Variants in COL5A2 observed in about 807,000 individuals in gnomAD.
The protein encoded by COL5A2 is collagen alpha-2(V) chain.
Under a neutral mutation model 208.2 loss-of-function variants are expected in COL5A2, and 23 were observed. That is an observed-to-expected ratio of 0.11 (90% CI 0.08 to 0.16). The LOEUF (loss-of-function observed/expected upper bound fraction) is 0.16. Ranked by LOEUF, COL5A2 falls within the 10% of genes least tolerant of loss-of-function variation. The pLI, the probability that COL5A2 is intolerant of heterozygous loss-of-function variation, is 1.00. For synonymous variants in COL5A2, 625 were observed against 628.5 expected (o/e 0.99, Z 0.08); for missense variants, 1,590 against 1,956.4 (o/e 0.81, Z 3.53).
At chr2:189,214,928 A>G (rs1689259870) in intron 1 of COL5A2, among the ~76,000 whole-genome samples, 1 of 152,144 alleles carries the variant, frequency 6.6e-6, no homozygotes. Context: ...TGATCTAGAT[A>G]TATTTTCCTA....
Position 189,062,935 on chromosome 2 carries a change from A to G in COL5A2, c.1924-17T>C. The G allele has an allele frequency of 3.7e-6, 6 of 1,614,056 alleles. No individual in the cohort carries two copies. On this transcript the variant is annotated splice_polypyrimidine_tract_variant and intron_variant, in intron 28 of 53. Transcript: ENST00000374866. ...AGGAGCTCCCTAGTATCACACACAG[A>G]TATTTGTGAGGTGAGTCTATGATAA...
chr2:189,220,650 T>A (rs1689337501), intron 1 of COL5A2, among the ~76,000 whole-genome samples: 2 of 152,204 alleles, frequency 1.3e-5, no homozygotes, highest in African/African-American at 2.4e-5. Context: ...AGATCTTGAA[T>A]TTAGAGGAAT....
intron 1 of COL5A2, among the ~76,000 whole-genome samples, chr2:189,213,055 AT>A (rs1457599896): frequency 6.6e-6 from 1 of 151,756 alleles, no homozygotes; most frequent in East Asian, 1.9e-4. Context: ...TGACTAGCTA[AT>A]TTTTTAGATT....
At position 189,085,264 on chromosome 2, in the gene COL5A2, C is replaced by T. The variant is rs138323249; in HGVS notation, c.745-51G>A. ...AAAAAAGAATATTTACCTTTACTTG[C>T]CAGTAATACAATTCAAAACATTATT... On this transcript the variant is annotated intron_variant, in intron 10 of 53. Coordinates refer to ENST00000374866, the MANE Select transcript of COL5A2 (RefSeq NM_000393.5). 109 of 1,399,542 alleles carry T rather than the reference C, an allele frequency of 7.8e-5. 1 individual carries two copies. In the East Asian group the frequency reaches 2.5e-3, roughly 33 times the overall value. The allele number at this position is 1,399,542 out of a possible 1,614,324, so 86.7% of individuals were successfully genotyped here. A position where few individuals can be genotyped will look rare whatever the true frequency, so the allele number is the denominator to read the frequency against.
At chr2:189,122,923 G>A (rs1446595804) in intron 1 of COL5A2, among the ~76,000 whole-genome samples, 1 of 152,010 alleles carries the variant, frequency 6.6e-6, no homozygotes, top group Admixed American at 6.6e-5. Context: ...ACACTAGGTA[G>A]AAAATACGAA....
rs1475438752 is a variant in COL5A2, at chr2:189,048,219, A to G, written c.3191T>C (p.Val1064Ala). Residue 1064 changes from valine to alanine, a missense_variant, in exon 45 of 54, where the codon GTT becomes GCT. By Grantham distance (64) the Val-to-Ala change is moderately conservative (BLOSUM62 0). Coordinates refer to ENST00000374866, the MANE Select transcript of COL5A2 (RefSeq NM_000393.5). ...NDGTPGRDGA[V>A]GERGDRGDPG... ...TGAAATGGCTCTTACACGTTCTCCA[A>G]CAGCACCATCCCGTCCTGGGGTACC... 2 of 1,614,050 alleles carry G rather than the reference A, an allele frequency of 1.2e-6. No individual in the cohort carries two copies. The highest frequency in any genetic ancestry group is 1.7e-6 in the Non-Finnish European group (2 of 1,179,936).
At chr2:189,355,260 G>A in the COL5A2 span, among the ~76,000 whole-genome samples, 7 of 152,058 alleles carry the variant, frequency 4.6e-5, no homozygotes, top group Middle Eastern at 3.2e-3. Flanking sequence ...TATTCTGTTC[G>A]TTTGGGATGG....
intron 1 of COL5A2, among the ~76,000 whole-genome samples, chr2:189,164,640 G>C (rs530842461): frequency 6.6e-6 from 1 of 152,104 alleles, no homozygotes; most frequent in Admixed American, 6.6e-5. Flanking sequence ...TACAGTAAAA[G>C]CATGCTAAAT....
chr2:189,249,012 A>C, the COL5A2 span, among the ~76,000 whole-genome samples: 1 of 152,228 alleles, frequency 6.6e-6, no homozygotes, highest in African/African-American at 2.4e-5. Flanking sequence ...AAATTGTACA[A>C]TTTTTTAAAA....
At chr2:189,089,417 T>A (rs1686734380) in intron 7 of COL5A2, among the ~76,000 whole-genome samples, 1 of 152,210 alleles carries the variant, frequency 6.6e-6, no homozygotes, top group Non-Finnish European at 1.5e-5. Context: ...AGTTTCCAAA[T>A]TTTGTTAGGA....
the COL5A2 span, among the ~76,000 whole-genome samples, chr2:189,282,786 A>G: frequency 6.6e-6 from 1 of 152,152 alleles, no homozygotes; most frequent in Admixed American, 6.6e-5. Flanking sequence ...TAGAATATTG[A>G]GCACAAGAGA....
chr2:189,426,020 A>G, the COL5A2 span, among the ~76,000 whole-genome samples: 1 of 152,176 alleles, frequency 6.6e-6, no homozygotes, highest in African/African-American at 2.4e-5. Flanking sequence ...GTAAATACAG[A>G]AAATTGGTAT....
At chr2:189,102,584 C>G (rs1687067698) in intron 3 of COL5A2, among the ~76,000 whole-genome samples, 1 of 151,878 alleles carries the variant, frequency 6.6e-6, no homozygotes, top group Non-Finnish European at 1.5e-5. Flanking sequence ...GTACTCAGAT[C>G]CAGATGTGCA....
the COL5A2 span, among the ~76,000 whole-genome samples, chr2:189,340,377 T>C: frequency 6.6e-6 from 1 of 152,160 alleles, no homozygotes; most frequent in Non-Finnish European, 1.5e-5. Context: ...CTCATAATCT[T>C]TAAAACTATT....
intron 1 of COL5A2, among the ~76,000 whole-genome samples, chr2:189,223,539 ATTC>A (rs1190097785): frequency 1.3e-5 from 2 of 152,192 alleles, no homozygotes; most frequent in Non-Finnish European, 2.9e-5. Flanking sequence ...TAGCAGAACC[ATTC>A]TTAATAGCCA....
chr2:189,131,584 CT>C (rs1411599751), intron 1 of COL5A2, among the ~76,000 whole-genome samples: 2 of 152,106 alleles, frequency 1.3e-5, no homozygotes, highest in Non-Finnish European at 2.9e-5. Context: ...TTGAAAATCT[CT>C]TTGAGCAAAA....
At chr2:189,437,853 T>C in the COL5A2 span, among the ~76,000 whole-genome samples, 147 of 152,324 alleles carry the variant, frequency 9.7e-4, 2 homozygotes, top group African/African-American at 3.2e-3. Flanking sequence ...ATGTACATTA[T>C]GCAGGGTAGT....
chr2:189,066,894 T>C (rs1469009014), intron 21 of COL5A2, 112 bp from the exon 22 acceptor site: 2 of 811,218 alleles, frequency 2.5e-6, no homozygotes, highest in Non-Finnish European at 4.4e-6. Context: ...GAGTCGGTTT[T>C]GCATCAGTAG....
chr2:189,066,426 T>C lies in COL5A2; in HGVS notation c.1527A>G (p.Pro509=). ...EEGKRGPRGD[P]GTVGPPGPVG... ...CTGGCCCTGGAGGACCAACTGTTCCTGGGTCACCTCTGGGACCTCTTTTGC... is the reference window on the plus strand; with the variant it reads ...CTGGCCCTGGAGGACCAACTGTTCCCGGGTCACCTCTGGGACCTCTTTTGC... Residue 509 remains proline (P), a synonymous_variant, in exon 23 of 54, where the codon CCA becomes CCG. Coordinates refer to ENST00000374866, the MANE Select transcript of COL5A2 (RefSeq NM_000393.5). 1 of 1,614,206 alleles carries C rather than the reference T, an allele frequency of 6.2e-7. No individual in the cohort carries two copies. Among genetic ancestry groups the C allele is most frequent in the Non-Finnish European group, 8.5e-7 (1 of 1,180,012 alleles).
Sources: gnomAD v4.1 joint callset for allele counts (sites outside exome capture counted in the v4.1 genomes callset) on GRCh38, gnomAD v4.1.1 for gene constraint, MANE v1.5 for transcripts, NCBI Gene and HGNC (gene_info 2026-07-23, HGNC 2026-07-21) for gene names.